ETFBKMT: variants seen among roughly 807,000 people sequenced by gnomAD.
ETFBKMT encodes the protein electron transfer flavoprotein beta subunit lysine methyltransferase.
In ETFBKMT, 13 loss-of-function variants were observed where a neutral mutation model predicts 18.3. The ratio of observed to expected loss-of-function variants is 0.71; its 90% confidence interval spans 0.46 to 1.13. The LOEUF is 1.13. ETFBKMT is among the 50% of genes most tolerant of loss of function. ETFBKMT has a pLI of 0.00. For missense variants in ETFBKMT, 293 were observed against 306.2 expected, an observed-to-expected ratio of 0.96 and a Z score of 0.32; for synonymous variants, 84 against 107.9, an observed-to-expected ratio of 0.78 and a Z score of 1.37.
Position 31,669,290 on chromosome 12 carries a change from A to T in ETFBKMT, c.*1300A>T, listed in dbSNP as rs144381824. ...TATACAGTAGCCTAACTGATGTGAT[A>T]AGGTATGGGAGAAGGTATGTTCTAT... is the stretch of plus-strand genomic sequence containing the variant. On this transcript the variant is annotated 3_prime_UTR_variant, in exon 4 of 4. Transcript: ENST00000357721. The T allele has an allele frequency of 2.8e-4, 43 of 152,296 alleles. No homozygotes were observed. Among genetic ancestry groups the T allele is most frequent in the African/African-American group, 1.0e-3 (42 of 41,552 alleles). 9.4% of individuals were successfully genotyped at this position (152,296 alleles called of 1,614,324 possible). A position where few individuals can be genotyped will look rare whatever the true frequency, so the allele number is the denominator to read the frequency against.
At chr12:31,649,227 C>T (rs11610957) in intron 1 of ETFBKMT, among the ~76,000 whole-genome samples, 5,195 of 152,300 alleles carry the variant, frequency 0.034, 128 homozygotes, top group Non-Finnish European at 0.044. Context: ...ACATGCTGTT[C>T]AGTACAGATA....
intron 2 of ETFBKMT, among the ~76,000 whole-genome samples, chr12:31,664,616 C>CTTTTTTTT (rs59300091): frequency 7.5e-6 from 1 of 133,026 alleles, no homozygotes; most frequent in Admixed American, 7.6e-5. Context: ...CTTTTTCTTT[C>CTTTTTTTT]TTTTTTTTTT....
intron 3 of ETFBKMT, among the ~76,000 whole-genome samples, chr12:31,666,895 G>A (rs1170982493): frequency 6.6e-6 from 1 of 151,692 alleles, no homozygotes; most frequent in African/African-American, 2.4e-5. Flanking sequence ...CTGACCTCGT[G>A]ATCTGCCCGT....
intron 1 of ETFBKMT, 197 bp downstream of exon 1, chr12:31,659,986 T>TAAA (rs10567575): frequency 9.9e-6 from 1 of 101,308 alleles, no homozygotes; most frequent in Admixed American, 1.0e-4. Flanking sequence ...TCGTCTCTAC[T>TAAA]AAAAAAAAAA....
intron 1 of ETFBKMT, among the ~76,000 whole-genome samples, chr12:31,648,793 C>A (rs956605549): frequency 1.3e-5 from 2 of 151,842 alleles, no homozygotes; most frequent in African/African-American, 4.8e-5. Context: ...GATCTCCTGA[C>A]CTTGTGATCT....
rs1951249677 is a variant in ETFBKMT at position 31,670,220 on chromosome 12, C to T, written c.*2230C>T. The T allele has an allele frequency of 6.6e-6, 1 of 152,174 alleles. No homozygotes were observed. The highest frequency in any genetic ancestry group is 2.4e-5 in the African/African-American group (1 of 41,420). 9.4% of individuals were successfully genotyped at this position (152,174 alleles called of 1,614,324 possible). A position where few individuals can be genotyped will look rare whatever the true frequency, so the allele number is the denominator to read the frequency against. On this transcript the variant is annotated 3_prime_UTR_variant, in exon 4 of 4. Coordinates refer to ENST00000357721, the MANE Select transcript of ETFBKMT (RefSeq NM_001135863.2). ...ACTCAGGAATTACAGCATAAATGTT[C>T]CTATTGGTACTGGCTCCAGCAACAG...
At chr12:31,654,991 G>A (rs1467431570), upstream of ETFBKMT, among the ~76,000 whole-genome samples, 2 of 151,778 alleles carry the variant, frequency 1.3e-5, no homozygotes, top group Admixed American at 1.3e-4. Flanking sequence ...GGGAGGAGAA[G>A]GTTGCAGTGA....
At chr12:31,655,558 C>T (rs969398464), upstream of ETFBKMT, among the ~76,000 whole-genome samples, 1 of 152,180 alleles carries the variant, frequency 6.6e-6, no homozygotes, top group Non-Finnish European at 1.5e-5. Flanking sequence ...ACAAAGATGA[C>T]ATCCATTATT....
rs543120573 is a variant in ETFBKMT at position 31,669,062 on chromosome 12, A to G, written c.*1072A>G. 1 of 152,280 alleles carries G rather than the reference A, an allele frequency of 6.6e-6. No individual in the cohort carries two copies. Among genetic ancestry groups the G allele is most frequent in the South Asian group, 2.1e-4 (1 of 4,818 alleles). 9.4% of individuals were successfully genotyped at this position (152,280 alleles called of 1,614,324 possible). A position where few individuals can be genotyped will look rare whatever the true frequency, so the allele number is the denominator to read the frequency against. The stretch of plus-strand genomic sequence containing the variant: ...TTGATAGCTAGACATGATGTATTGC[A>G]TAAATAAACAAGTAAACTAAGGTAG... On this transcript the variant is annotated 3_prime_UTR_variant, in exon 4 of 4. Coordinates refer to ENST00000357721, the MANE Select transcript of ETFBKMT (RefSeq NM_001135863.2).
chr12:31,668,025 T>TG lies in ETFBKMT; in HGVS notation c.*36dup, dbSNP rs1291242048. 2 of 1,539,226 alleles carry TG rather than the reference T, an allele frequency of 1.3e-6. No homozygotes were observed. The highest frequency in any genetic ancestry group is 1.8e-6 in the Non-Finnish European group (2 of 1,130,412). On this transcript the variant is annotated 3_prime_UTR_variant, in exon 4 of 4. Transcript: ENST00000357721. ...GTGCTTCCAAGTATGAATATAGTAA[T>TG]GTTTGGATCTGACTCTAAAAGTTTT...
At chr12:31,648,768 A>G (rs368086793) in intron 1 of ETFBKMT, among the ~76,000 whole-genome samples, 35 of 151,330 alleles carry the variant, frequency 2.3e-4, no homozygotes, top group South Asian at 1.0e-3. Flanking sequence ...TCACCATGTT[A>G]GCCAGGATGG....
In ETFBKMT at chr12:31,668,085, A is replaced by T; in HGVS notation, c.*95A>T. 3 of 960,308 alleles carry T rather than the reference A, an allele frequency of 3.1e-6. No homozygotes were observed. Among genetic ancestry groups the T allele is most frequent in the South Asian group, 3.9e-5 (2 of 51,660 alleles). The allele number at this position is 960,308 out of a possible 1,614,324, so 59.5% of individuals were successfully genotyped here. A position where few individuals can be genotyped will look rare whatever the true frequency, so the allele number is the denominator to read the frequency against. On this transcript the variant is annotated 3_prime_UTR_variant, in exon 4 of 4. Coordinates refer to ENST00000357721, the MANE Select transcript of ETFBKMT (RefSeq NM_001135863.2). ...AGATACTCTCCAGTTTAATGAATGT[A>T]ATTCTTGTTAAATGGAAAATCTTGT...
upstream of ETFBKMT, among the ~76,000 whole-genome samples, chr12:31,655,678 T>A (rs944490386): frequency 7.2e-5 from 11 of 152,254 alleles, no homozygotes; most frequent in Non-Finnish European, 1.6e-4. Flanking sequence ...CTAATTAAAA[T>A]CTCACAAGAA....
upstream of ETFBKMT, among the ~76,000 whole-genome samples, chr12:31,658,984 G>A (rs1179503263): frequency 6.8e-6 from 1 of 147,596 alleles, no homozygotes; most frequent in East Asian, 2.0e-4. Flanking sequence ...CTCTATGCCC[G>A]GTGCCTGGAA....
Position 31,672,200 on chromosome 12 carries a change from T to G in ETFBKMT, c.*4210T>G, listed in dbSNP as rs1329189776. 1 of 760,674 alleles carries G rather than the reference T, an allele frequency of 1.3e-6. No homozygotes were observed. Among genetic ancestry groups the G allele is most frequent in the Non-Finnish European group, 2.2e-6 (1 of 452,492 alleles). The allele number at this position is 760,674 out of a possible 1,614,324, so 47.1% of individuals were successfully genotyped here. Reference sequence around the variant, plus strand: ...TTATAACTTAAGACAATAAAATAATTAAAAATAGTGTTAACATTAAGTAGA... The same window carrying G: ...TTATAACTTAAGACAATAAAATAATGAAAAATAGTGTTAACATTAAGTAGA... On this transcript the variant is annotated 3_prime_UTR_variant, in exon 4 of 4. Coordinates refer to ENST00000357721, the MANE Select transcript of ETFBKMT (RefSeq NM_001135863.2).
intron 1 of ETFBKMT, among the ~76,000 whole-genome samples, chr12:31,651,680 T>A (rs981911347): frequency 6.6e-6 from 1 of 152,076 alleles, no homozygotes; most frequent in Non-Finnish European, 1.5e-5. Flanking sequence ...CTCCAGAGAC[T>A]GGGAATTGAT....
chr12:31,649,927 A>G (rs12819030), intron 1 of ETFBKMT, among the ~76,000 whole-genome samples: 1 of 142,646 alleles, frequency 7.0e-6, no homozygotes, highest in Non-Finnish European at 1.5e-5. Context: ...CAGCTAATTT[A>G]TGTATTTTTA....
rs138920533 is a variant in ETFBKMT, at chr12:31,670,449, T to TTTG, written c.*2472_*2474dup. 0.11 allele frequency: 16,558 copies of TTTG among 151,846 alleles called. 1,159 individuals are homozygous for TTTG. The highest frequency in any genetic ancestry group is 0.28 in the East Asian group (1,407 of 5,098). The allele number at this position is 151,846 out of a possible 1,614,324, so 9.4% of individuals were successfully genotyped here. A position where few individuals can be genotyped will look rare whatever the true frequency, so the allele number is the denominator to read the frequency against. On this transcript the variant is annotated 3_prime_UTR_variant, in exon 4 of 4. Coordinates refer to ENST00000357721, the MANE Select transcript of ETFBKMT (RefSeq NM_001135863.2). ...TAAATCAGACTAGAGACTGGAAATT[T>TTTG]TTGTTGTTGTTGTTGGGTGTTTTGT...
intron 1 of ETFBKMT, among the ~76,000 whole-genome samples, chr12:31,660,481 G>A (rs901398603): frequency 6.6e-6 from 1 of 152,132 alleles, no homozygotes; most frequent in Non-Finnish European, 1.5e-5. Context: ...TTGTGTTTAA[G>A]TTGTTCCTCA....
Sources: gnomAD v4.1 joint callset for allele counts (sites outside exome capture counted in the v4.1 genomes callset) on GRCh38, gnomAD v4.1.1 for gene constraint, MANE v1.5 for transcripts, NCBI Gene and HGNC (gene_info 2026-07-23, HGNC 2026-07-21) for gene names.